The following PPP1R12A variants were observed in gnomAD, a reference collection of about 807,000 sequenced individuals.
The protein encoded by PPP1R12A is myosin binding subunit.
A neutral mutation model predicts 139.6 loss-of-function variants in PPP1R12A; 19 were observed. The ratio of observed to expected loss-of-function variants is 0.14; its 90% CI spans 0.09 to 0.20. The LOEUF is 0.20. Among genes scored for constraint, PPP1R12A ranks in the 10% least tolerant of loss-of-function variants. The probability of loss-of-function intolerance (pLI) is 1.00; values close to 1 mark genes in which losing one functional copy is unlikely to be tolerated. For synonymous variants in PPP1R12A, 427 were observed against 420.6 expected (o/e 1.02, Z -0.19); for missense variants, 925 against 1,211.5 (o/e 0.76, Z 3.51).
At chr12:79,782,539 G>C in intron 22 of PPP1R12A, 1 of 453,844 alleles carries the variant, frequency 2.2e-6, no homozygotes, top group Non-Finnish European at 4.4e-6. Context: ...TTGGCTTTAA[G>C]GGATGGAAAA....
At chr12:79,812,630 T>G (rs374587809) in intron 9 of PPP1R12A, among the ~76,000 whole-genome samples, 1 of 152,094 alleles carries the variant, frequency 6.6e-6, no homozygotes, top group Non-Finnish European at 1.5e-5. Flanking sequence ...CAGTCCAGTC[T>G]CCTAAATTTC....
chr12:79,833,516 A>G (rs1016261024), intron 3 of PPP1R12A, among the ~76,000 whole-genome samples: 12 of 151,986 alleles, frequency 7.9e-5, no homozygotes, highest in Admixed American at 7.9e-4. Flanking sequence ...CTGGTAGAAT[A>G]CCTGATACAA....
At chr12:79,922,469 A>G (rs1476204494) in intron 1 of PPP1R12A, among the ~76,000 whole-genome samples, 3 of 152,214 alleles carry the variant, frequency 2.0e-5, no homozygotes, top group African/African-American at 7.2e-5. Flanking sequence ...TGAACTGGAT[A>G]AAGAAAATGT....
chr12:79,834,537 A>T (rs1877842456), intron 3 of PPP1R12A, among the ~76,000 whole-genome samples: 1 of 152,236 alleles, frequency 6.6e-6, no homozygotes, highest in Non-Finnish European at 1.5e-5. Flanking sequence ...TTCAAGGCTT[A>T]CCAAGAGAAT....
At chr12:79,818,818 CA>C (rs2137105556) in intron 8 of PPP1R12A, 1 of 152,276 alleles carries the variant, frequency 6.6e-6, no homozygotes, top group South Asian at 2.1e-4. Context: ...CAAAATTCAG[CA>C]AAATAGTTAT....
In PPP1R12A at chr12:79,828,332, C is replaced by T. The variant is rs1159952095; in HGVS notation, c.780G>A (p.Met260Ile). Residue 260 changes from methionine to isoleucine, a missense_variant, in exon 5 of 25, where the codon ATG becomes ATA. By Grantham distance (10) the Met-to-Ile change is conservative. Transcript: ENST00000450142. ...ILVDNLCDMEMVNKVGQTAFD... is the reference protein window; with the variant it reads ...ILVDNLCDMEIVNKVGQTAFD... ...TTAAAACGCCTACCACTTTGTTGAC[C>T]ATCTCCATATCACACAGATTGTCCA... 1.2e-6 allele frequency: 2 copies of T among 1,607,180 alleles called. No individual in the cohort carries two copies. Among genetic ancestry groups the T allele is most frequent in the African/African-American group, 1.3e-5 (1 of 74,686 alleles).
intron 2 of PPP1R12A, among the ~76,000 whole-genome samples, chr12:79,863,637 T>C (rs547711562): frequency 1.1e-4 from 6 of 53,688 alleles, no homozygotes; most frequent in Admixed American, 3.4e-4. Flanking sequence ...ACCAAGCAAA[T>C]TGAAAGCAAA....
Position 79,775,948 on chromosome 12 carries a change from A to G in PPP1R12A, c.3074T>C (p.Ile1025Thr). The G allele has an allele frequency of 1.3e-6, 2 of 1,587,216 alleles. No individual in the cohort carries two copies. Among genetic ancestry groups the G allele is most frequent in the Non-Finnish European group, 1.7e-6 (2 of 1,166,228 alleles). Residue 1025 changes from isoleucine (I) to threonine (T), a missense_variant, in exon 25 of 25, where the codon ATA becomes ACA. Ile to Thr is a moderately conservative substitution (Grantham distance 89, BLOSUM62 -1). Around this residue, in one of 4 missense-constraint regions of PPP1R12A, gnomAD observed 315 missense variants for 363.4 expected, o/e 0.87. Transcript: ENST00000450142. ...KDENGALIRVISKLSK is the reference protein window; with the variant it reads ...KDENGALIRVTSKLSK ...TTTTTTTTATTTGGAAAGTTTGCTT[A>G]TAACTCTGATCAAGGCCCCATTTTC...
At chr12:79,888,102 C>CA (rs1403992421) in intron 1 of PPP1R12A, among the ~76,000 whole-genome samples, 3 of 152,238 alleles carry the variant, frequency 2.0e-5, no homozygotes, top group Admixed American at 2.0e-4. Flanking sequence ...TACAGCCAGA[C>CA]ACTATGCTGG....
intron 2 of PPP1R12A, among the ~76,000 whole-genome samples, chr12:79,847,359 G>A (rs1006700610): frequency 6.6e-6 from 1 of 152,088 alleles, no homozygotes; most frequent in Non-Finnish European, 1.5e-5. Context: ...ATAGACAGTT[G>A]AAATTCACAA....
intron 1 of PPP1R12A, among the ~76,000 whole-genome samples, chr12:79,885,197 T>C (rs1008239262): frequency 6.6e-6 from 1 of 152,142 alleles, no homozygotes; most frequent in Admixed American, 6.5e-5. Context: ...CATTTACTGG[T>C]TGGGTGTTCT....
In PPP1R12A at chr12:79,896,370, G is replaced by A. The variant is rs767361968; in HGVS notation, c.238-23432C>T. ...TTGTTTGAGACACGGTCTCACTTTC[G>A]TCACCCAGGCTGGAGTGCAGTGGCT... On this transcript the variant is annotated intron_variant, in intron 1 of 24. Coordinates refer to ENST00000450142, the MANE Select transcript of PPP1R12A (RefSeq NM_002480.3). 5.7e-4 allele frequency among the ~76,000 whole-genome samples: 87 copies of A among 151,948 alleles called. 1 individual carries two copies. The highest frequency in any genetic ancestry group is 3.2e-3 in the Admixed American group (49 of 15,280).
chr12:79,797,544 A>G, intron 15 of PPP1R12A, 149 bp from the exon 16 acceptor site: 2 of 719,028 alleles, frequency 2.8e-6, no homozygotes, highest in Non-Finnish European at 4.5e-6. Context: ...AGCAAGTTAC[A>G]TTCATTCTAT....
intron 3 of PPP1R12A, among the ~76,000 whole-genome samples, chr12:79,833,846 GAAAA>G (rs371589074): frequency 8.6e-6 from 1 of 116,784 alleles, no homozygotes; most frequent in Non-Finnish European, 1.6e-5. Flanking sequence ...CAAAGAAAAG[GAAAA>G]AAAAAAAAAA....
chr12:79,826,508 A>G (rs781221833), intron 5 of PPP1R12A, among the ~76,000 whole-genome samples: 11 of 151,948 alleles, frequency 7.2e-5, no homozygotes, highest in Admixed American at 6.6e-5. Context: ...CTGGCTCACA[A>G]TTCTTTTACT....
intron 9 of PPP1R12A, among the ~76,000 whole-genome samples, chr12:79,815,601 A>G (rs145496270): frequency 1.3e-5 from 2 of 152,290 alleles, no homozygotes; most frequent in East Asian, 1.9e-4. Flanking sequence ...ATTATAGTCT[A>G]AACAGATCAA....
At chr12:79,809,746 A>T in intron 10 of PPP1R12A, 49 bp downstream of exon 10, 3 of 1,442,304 alleles carry the variant, frequency 2.1e-6, no homozygotes, top group Non-Finnish European at 2.9e-6. Flanking sequence ...TGTTCCTGGA[A>T]AAGAAATCAT....
rs1056741800 is a variant in PPP1R12A at position 79,774,929 on chromosome 12, T to C, written c.*1000A>G. ...TTACAGTAGGAAACTTTTGTAAAGATAGGGCTCCACATAATGTGTAACTTT... is the reference window on the plus strand; with the variant it reads ...TTACAGTAGGAAACTTTTGTAAAGACAGGGCTCCACATAATGTGTAACTTT... On this transcript the variant is annotated 3_prime_UTR_variant, in exon 25 of 25. Coordinates refer to ENST00000450142, the MANE Select transcript of PPP1R12A (RefSeq NM_002480.3). 2 of 152,256 alleles carry C rather than the reference T, an allele frequency of 1.3e-5. No homozygotes were observed. The highest frequency in any genetic ancestry group is 2.9e-5 in the Non-Finnish European group (2 of 67,982). The allele number at this position is 152,256 out of a possible 1,614,324, so 9.4% of individuals were successfully genotyped here. A position where few individuals can be genotyped will look rare whatever the true frequency, so the allele number is the denominator to read the frequency against.
At chr12:79,817,794 A>G (rs141026121) in intron 8 of PPP1R12A, among the ~76,000 whole-genome samples, 10 of 152,344 alleles carry the variant, frequency 6.6e-5, no homozygotes, top group African/African-American at 2.2e-4. Flanking sequence ...TTTAAAATGA[A>G]GAAAATAAAA....
Sources: gnomAD v4.1 joint callset for allele counts (sites outside exome capture counted in the v4.1 genomes callset) on GRCh38, gnomAD v4.1.1 for gene constraint, gnomAD v4.1.1 regional missense constraint, MANE v1.5 for transcripts, NCBI Gene and HGNC (gene_info 2026-07-23, HGNC 2026-07-21) for gene names.